PDE10A: variants seen among roughly 807,000 people sequenced by gnomAD.
PDE10A encodes the protein cAMP and cAMP-inhibited cGMP 3',5'-cyclic phosphodiesterase 10A.
PDE10A carries 39 observed loss-of-function variants against 97.7 expected under a neutral mutation model. That is an observed-to-expected ratio of 0.40 (90% CI 0.31 to 0.52). The LOEUF (loss-of-function observed/expected upper bound fraction) is 0.52. PDE10A is among the 20% of genes least tolerant of loss of function. PDE10A has a pLI of 0.56. For missense variants in PDE10A, 731 were observed against 1,047.8 expected (o/e 0.70, Z 4.17); for synonymous variants, 371 against 376.8 (o/e 0.98, Z 0.18).
At chr6:165,576,519 C>G in intron 1 of PDE10A, 1 of 768,934 alleles carries the variant, frequency 1.3e-6, no homozygotes, top group Non-Finnish European at 2.4e-6. Context: ...TGGATGACTT[C>G]TATATCTATA....
At chr6:165,706,024 G>A (rs896130266) in intron 1 of PDE10A, among the ~76,000 whole-genome samples, 54 of 152,138 alleles carry the variant, frequency 3.5e-4, no homozygotes, top group Admixed American at 6.6e-4. Flanking sequence ...TGCGAAGGGC[G>A]GCCACACTCC....
rs375318489 is a variant in PDE10A, at chr6:165,674,758, GTACA to G, written c.-614-131194_-614-131191del. On this transcript the variant is annotated intron_variant, in intron 1 of 19. Transcript: ENST00000366882. ...AAACAAGGGCACGGAGGCAGAATGT[GTACA>G]TAGTCAGTTGCCTCTGAAAGTTGTA... Among the ~76,000 whole-genome samples, 330 of 152,298 alleles carry G rather than the reference GTACA, an allele frequency of 2.2e-3. 2 individuals are homozygous for G. Among genetic ancestry groups the G allele is most frequent in the African/African-American group, 7.6e-3 (316 of 41,556 alleles).
intron 18 of PDE10A, among the ~76,000 whole-genome samples, chr6:165,367,093 C>A (rs9459385): frequency 6.6e-6 from 1 of 151,762 alleles, no homozygotes; most frequent in Non-Finnish European, 1.5e-5. Flanking sequence ...TGTACAGATA[C>A]GCTAAAGAAT....
At chr6:165,663,343 G>C (rs1790394140), upstream of PDE10A, among the ~76,000 whole-genome samples, 1 of 151,976 alleles carries the variant, frequency 6.6e-6, no homozygotes. Context: ...TCCCGCACCC[G>C]AGTGATCCTC....
chr6:165,858,364 A>T lies in PDE10A; in HGVS notation c.-615+129165T>A, dbSNP rs377740751. On this transcript the variant is annotated intron_variant, in intron 1 of 19. Coordinates refer to the PDE10A transcript ENST00000366882. ...GAAGCCCCTCAGGGGAGGCACTGGG[A>T]ACTGAGACCTTCTGCTCTGCAGTAA... 9.2e-5 allele frequency among the ~76,000 whole-genome samples: 14 copies of T among 152,208 alleles called. No individual in the cohort carries two copies. The East Asian group carries it at 1.2e-3, about 13-fold the overall frequency.
upstream of PDE10A, among the ~76,000 whole-genome samples, chr6:165,663,362 G>A (rs548652033): frequency 3.3e-5 from 5 of 152,206 alleles, no homozygotes; most frequent in African/African-American, 9.6e-5. Flanking sequence ...TCTGTGCGCC[G>A]CCTGCACCCG....
At position 165,339,373 on chromosome 6, in the gene PDE10A, G is replaced by A. The variant is rs765158813; in HGVS notation, c.2896-15C>T. On this transcript the variant is annotated splice_polypyrimidine_tract_variant and intron_variant, in intron 19 of 21. Coordinates refer to ENST00000539869, the MANE Select transcript of PDE10A (RefSeq NM_001385079.1). Reference sequence around the variant, plus strand: ...ATTTCATCACCCTAAGATGAATGGGGAGAAAATCATGCTTTCTCAAATTTC... The same window carrying A: ...ATTTCATCACCCTAAGATGAATGGGAAGAAAATCATGCTTTCTCAAATTTC... 59 of 1,452,680 alleles carry A rather than the reference G, an allele frequency of 4.1e-5. No individual in the cohort carries two copies. In the South Asian group the frequency reaches 6.2e-4, roughly 15 times the overall value. 90.0% of individuals were successfully genotyped at this position (1,452,680 alleles called of 1,614,324 possible).
chr6:165,733,337 A>AG (rs1792486560), intron 1 of PDE10A, among the ~76,000 whole-genome samples: 1 of 152,188 alleles, frequency 6.6e-6, no homozygotes, highest in African/African-American at 2.4e-5. Flanking sequence ...TGCTGGGGCA[A>AG]GGGGGAAGCC....
At chr6:165,658,530 C>G (rs1790077381) in intron 1 of PDE10A, among the ~76,000 whole-genome samples, 1 of 152,206 alleles carries the variant, frequency 6.6e-6, no homozygotes, top group African/African-American at 2.4e-5. Flanking sequence ...GACTGTTCTC[C>G]TTATCCACAG....
At chr6:165,829,207 C>A (rs1583159175) in intron 1 of PDE10A, among the ~76,000 whole-genome samples, 1 of 152,312 alleles carries the variant, frequency 6.6e-6, no homozygotes, top group East Asian at 1.9e-4. Context: ...CTTGTGCAGG[C>A]CACTCTGCCT....
At chr6:165,949,590 T>C (rs1305986792) in intron 1 of PDE10A, 1 of 152,156 alleles carries the variant, frequency 6.6e-6, no homozygotes, top group Non-Finnish European at 1.5e-5. Flanking sequence ...TGAAGTGCCA[T>C]CTCCCGCTGA....
At chr6:165,401,202 CTCTG>C (rs1462168784) in intron 13 of PDE10A, among the ~76,000 whole-genome samples, 2 of 152,118 alleles carry the variant, frequency 1.3e-5, no homozygotes, top group African/African-American at 2.4e-5. Context: ...AAAGTTTCTG[CTCTG>C]TCTTTTTAAG....
chr6:165,561,946 G>T lies in PDE10A; in HGVS notation c.866-18378C>A, dbSNP rs577475883. 5.1e-4 allele frequency among the ~76,000 whole-genome samples: 77 copies of T among 152,196 alleles called. No homozygotes were observed. In the South Asian group the frequency reaches 0.015, roughly 30 times the overall value. On this transcript the variant is annotated intron_variant, in intron 1 of 21. Transcript: ENST00000539869. ...AATTCTAGTAGAGAAATAAGAGAAA[G>T]TTTTTTTAAATCATTAAATTTGAAT... is the stretch of plus-strand genomic sequence containing the variant.
chr6:165,567,919 C>T (rs1784852281), intron 1 of PDE10A, among the ~76,000 whole-genome samples: 1 of 151,206 alleles, frequency 6.6e-6, no homozygotes, highest in African/African-American at 2.4e-5. Flanking sequence ...TCTTTGGAAG[C>T]CAATAGTCTC....
intron 13 of PDE10A, among the ~76,000 whole-genome samples, chr6:165,412,176 A>C (rs2128227021): frequency 6.6e-6 from 1 of 152,250 alleles, no homozygotes; most frequent in African/African-American, 2.4e-5. Context: ...TTATCTTATA[A>C]ATAGAAATTA....
intron 1 of PDE10A, chr6:165,894,811 C>T (rs1397997554): frequency 4.1e-6 from 1 of 241,906 alleles, no homozygotes; most frequent in Non-Finnish European, 8.4e-6. Context: ...GCAAGCTGTC[C>T]TAAAACTGAT....
chr6:165,971,399 A>G (rs2097461657), intron 1 of PDE10A, among the ~76,000 whole-genome samples: 1 of 152,168 alleles, frequency 6.6e-6, no homozygotes, highest in Non-Finnish European at 1.5e-5. Context: ...GGACGACCTC[A>G]CTTAAGGGCT....
At chr6:165,493,269 T>C (rs1227545993) in intron 2 of PDE10A, among the ~76,000 whole-genome samples, 1 of 151,996 alleles carries the variant, frequency 6.6e-6, no homozygotes, top group Non-Finnish European at 1.5e-5. Flanking sequence ...CCAAAAGTAA[T>C]CTACAAATTC....
intron 1 of PDE10A, among the ~76,000 whole-genome samples, chr6:165,610,379 A>G (rs935981893): frequency 1.6e-4 from 25 of 152,030 alleles, no homozygotes; most frequent in African/African-American, 6.0e-4. Flanking sequence ...AAAATACAAA[A>G]AACTAGCTGG....
Sources: allele counts gnomAD v4.1 joint callset (sites outside exome capture counted in the v4.1 genomes callset), GRCh38; gene constraint gnomAD v4.1.1; transcripts MANE v1.5; gene names NCBI Gene and HGNC (gene_info 2026-07-23, HGNC 2026-07-21).